The following EXOC6 variants were observed in gnomAD, a reference collection of about 807,000 sequenced individuals.
EXOC6 encodes SEC15-like 1.
Under a neutral mutation model 112.5 loss-of-function variants are expected in EXOC6, and 60 were observed. That is an observed-to-expected ratio of 0.53 (90% CI 0.43 to 0.66). EXOC6 has a LOEUF of 0.66. Among genes scored for constraint, EXOC6 ranks in the 30% least tolerant of loss-of-function variants. The probability of loss-of-function intolerance (pLI) is 0.00; values close to 1 mark genes in which losing one functional copy is unlikely to be tolerated. For synonymous variants in EXOC6, 295 were observed against 308.0 expected (o/e 0.96, Z 0.44); for missense variants, 855 against 957.1 (o/e 0.89, Z 1.41).
At position 93,034,539 on chromosome 10, in the gene EXOC6, T is replaced by C. The variant is rs201150202; in HGVS notation, c.2169+20272T>C. On this transcript the variant is annotated intron_variant, in intron 20 of 21. Transcript: ENST00000260762. ...TGTATTTGACTCAAAATGAACAACT[T>C]TGAGTTCTGTCTAAAGGGACATGAA... Among the ~76,000 whole-genome samples, 4 of 152,188 alleles carry C rather than the reference T, an allele frequency of 2.6e-5. No homozygotes were observed. In the East Asian group the frequency reaches 7.7e-4, roughly 29 times the overall value.
intron 14 of EXOC6, among the ~76,000 whole-genome samples, chr10:92,950,540 A>G (rs1263998210): frequency 1.3e-5 from 2 of 152,160 alleles, no homozygotes; most frequent in Non-Finnish European, 2.9e-5. Context: ...TCAAGTGAGG[A>G]TAGATAAAAT....
chr10:92,898,022 ATACT>A (rs1489170362), intron 4 of EXOC6, among the ~76,000 whole-genome samples: 4 of 152,166 alleles, frequency 2.6e-5, no homozygotes, highest in Admixed American at 6.6e-5. Flanking sequence ...CCTGTCTCAG[ATACT>A]TGGAGTTCAC....
chr10:93,035,165 A>G (rs1163819862), intron 20 of EXOC6, among the ~76,000 whole-genome samples: 1 of 152,246 alleles, frequency 6.6e-6, no homozygotes, highest in Admixed American at 6.5e-5. Context: ...ATTTTAAAGG[A>G]TTAGTCTGAA....
upstream of EXOC6, among the ~76,000 whole-genome samples, chr10:92,843,713 G>A (rs879347223): frequency 1.6e-4 from 24 of 152,128 alleles, no homozygotes; most frequent in Admixed American, 1.3e-3. Context: ...TGAGTGGGCC[G>A]TCGCGGTGGC....
chr10:92,955,987 A>G (rs1013600778), intron 17 of EXOC6, among the ~76,000 whole-genome samples: 2 of 152,170 alleles, frequency 1.3e-5, no homozygotes, highest in African/African-American at 4.8e-5. Flanking sequence ...GTCTAACTGA[A>G]TTAATATTTC....
At chr10:92,877,340 A>C (rs1411132615) in intron 1 of EXOC6, among the ~76,000 whole-genome samples, 1 of 151,452 alleles carries the variant, frequency 6.6e-6, no homozygotes, top group Non-Finnish European at 1.5e-5. Flanking sequence ...TGAGTCTAAG[A>C]TTTGGATTGT....
chr10:93,035,071 A>G lies in EXOC6; in HGVS notation c.2169+20804A>G, dbSNP rs533344632. 1.1e-4 allele frequency among the ~76,000 whole-genome samples: 16 copies of G among 152,364 alleles called. No individual in the cohort carries two copies. In the East Asian group the frequency reaches 3.1e-3, roughly 29 times the overall value. Reference sequence around the variant, plus strand: ...GAAGATACATTTGGGTTTACTTCTGAATATAACAAGACCAGACATCTCACA... The same window carrying G: ...GAAGATACATTTGGGTTTACTTCTGGATATAACAAGACCAGACATCTCACA... On this transcript the variant is annotated intron_variant, in intron 20 of 21. Coordinates refer to ENST00000260762, the MANE Select transcript of EXOC6 (RefSeq NM_019053.6).
chr10:92,828,559 C>A (rs1379191056), intron 1 of EXOC6, among the ~76,000 whole-genome samples: 1 of 151,668 alleles, frequency 6.6e-6, no homozygotes, highest in Non-Finnish European at 1.5e-5. Context: ...GCCTCAAATT[C>A]CTGACCTCAG....
chr10:92,880,388 A>C, intron 1 of EXOC6, among the ~76,000 whole-genome samples: 1 of 151,802 alleles, frequency 6.6e-6, no homozygotes, highest in East Asian at 2.0e-4. Flanking sequence ...TGGCTGGTTG[A>C]ATCCAGGGAT....
intron 18 of EXOC6, among the ~76,000 whole-genome samples, chr10:92,975,719 G>A (rs1335313157): frequency 3.1e-5 from 4 of 127,012 alleles, no homozygotes; most frequent in Admixed American, 3.0e-4. Context: ...TGCCCGGCCA[G>A]CCGCCCCGTC....
At chr10:92,914,218 T>C (rs1232769682) in intron 6 of EXOC6, among the ~76,000 whole-genome samples, 1 of 152,170 alleles carries the variant, frequency 6.6e-6, no homozygotes, top group Non-Finnish European at 1.5e-5. Context: ...GCGGGGCATC[T>C]AGGTTGTGCA....
intron 1 of EXOC6, among the ~76,000 whole-genome samples, chr10:92,842,496 C>T (rs1846894736): frequency 6.6e-6 from 1 of 151,000 alleles, no homozygotes; most frequent in Admixed American, 6.6e-5. Flanking sequence ...CATTTCAAAT[C>T]CTATTTTGCC....
intron 8 of EXOC6, among the ~76,000 whole-genome samples, chr10:92,920,619 A>G (rs759178265): frequency 6.6e-6 from 1 of 152,176 alleles, no homozygotes; most frequent in Non-Finnish European, 1.5e-5. Flanking sequence ...GTTGGTTTAT[A>G]GGGTTGTTCA....
At chr10:93,057,067 C>A in intron 21 of EXOC6, 31 bp downstream of exon 21, 2 of 1,141,744 alleles carry the variant, frequency 1.8e-6, no homozygotes, top group Non-Finnish European at 2.5e-6. Flanking sequence ...TTTTGTATAA[C>A]ATTTTAGCAC....
chr10:92,881,423 T>C (rs1324269064), intron 1 of EXOC6, among the ~76,000 whole-genome samples: 2 of 152,230 alleles, frequency 1.3e-5, no homozygotes, highest in Non-Finnish European at 2.9e-5. Flanking sequence ...ATAATACTAC[T>C]TCATTTACTT....
intron 8 of EXOC6, among the ~76,000 whole-genome samples, chr10:92,920,781 A>G (rs1218937857): frequency 6.6e-6 from 1 of 152,128 alleles, no homozygotes; most frequent in Non-Finnish European, 1.5e-5. Context: ...TGGCAGGTGA[A>G]TATATGTTTA....
In EXOC6 at chr10:92,896,160, TATATATATATATATATATATA is replaced by T. The variant is rs1185266099; in HGVS notation, c.412+1141_412+1161del. Among the ~76,000 whole-genome samples the T allele has an allele frequency of 3.0e-4, 7 of 23,368 alleles. 1 individual carries two copies. Among genetic ancestry groups the T allele is most frequent in the Non-Finnish European group, 4.9e-4 (7 of 14,286 alleles). 15.3% of individuals were successfully genotyped at this position (23,368 alleles called of 152,430 possible). On this transcript the variant is annotated intron_variant, in intron 4 of 21. Coordinates refer to ENST00000260762, the MANE Select transcript of EXOC6 (RefSeq NM_019053.6). The stretch of plus-strand genomic sequence containing the variant: ...GTGTATGTATGTGTATATATATATA[TATATATATATATATATATATA>T]TTTTTTTTTTTTTTTTTTTTTTTTT...
chr10:92,831,526 C>T (rs1015857902), upstream of EXOC6, among the ~76,000 whole-genome samples: 8 of 151,960 alleles, frequency 5.3e-5, no homozygotes, highest in Non-Finnish European at 7.4e-5. Flanking sequence ...CTCCACCTGC[C>T]GGGTTCAAGC....
intron 19 of EXOC6, among the ~76,000 whole-genome samples, chr10:93,008,530 A>G (rs1350981317): frequency 3.3e-5 from 5 of 152,340 alleles, no homozygotes; most frequent in African/African-American, 9.6e-5. Context: ...AAATATGACA[A>G]ATTATATACA....
Sources: gnomAD v4.1 joint callset for allele counts (sites outside exome capture counted in the v4.1 genomes callset) on GRCh38, gnomAD v4.1.1 for gene constraint, MANE v1.5 for transcripts, NCBI Gene and HGNC (gene_info 2026-07-23, HGNC 2026-07-21) for gene names.